ZBTB16: variants seen among roughly 807,000 people sequenced by gnomAD.
The protein encoded by ZBTB16 is zinc finger and BTB domain containing 16.
Under a neutral mutation model 56.8 loss-of-function variants are expected in ZBTB16, and 8 were observed. The observed-to-expected ratio is 0.14, with a 90% CI of 0.08 to 0.25. The LOEUF is 0.25. Among genes scored for constraint, ZBTB16 ranks in the 10% least tolerant of loss-of-function variants. The pLI is 1.00. For missense variants in ZBTB16, 625 were observed against 903.0 expected, an observed-to-expected ratio of 0.69 and a Z score of 3.95; for synonymous variants, 363 against 368.5, an observed-to-expected ratio of 0.98 and a Z score of 0.17.
chr11:114,174,345 A>G (rs1215959347), intron 3 of ZBTB16, among the ~76,000 whole-genome samples: 3 of 149,016 alleles, frequency 2.0e-5, no homozygotes, highest in Admixed American at 1.3e-4. Context: ...TTTACTAGCT[A>G]TGAGACCTTG....
At chr11:114,192,339 C>G (rs591242) in intron 4 of ZBTB16, among the ~76,000 whole-genome samples, 4 of 151,934 alleles carry the variant, frequency 2.6e-5, no homozygotes, top group African/African-American at 4.8e-5. Context: ...CAGATAGTCA[C>G]AGGTCAGCCC....
chr11:114,204,986 T>C (rs926544458), intron 4 of ZBTB16, among the ~76,000 whole-genome samples: 5 of 152,148 alleles, frequency 3.3e-5, no homozygotes, highest in African/African-American at 1.2e-4. Flanking sequence ...CATCAATTCA[T>C]TTGCCACGTT....
chr11:114,103,567 T>G (rs1166181879), intron 2 of ZBTB16, among the ~76,000 whole-genome samples: 2 of 151,960 alleles, frequency 1.3e-5, no homozygotes, highest in African/African-American at 4.8e-5. Flanking sequence ...TCTCTGAACT[T>G]TCCAAAGAGT....
chr11:114,238,003 C>T (rs928969785), intron 4 of ZBTB16, among the ~76,000 whole-genome samples: 2 of 152,172 alleles, frequency 1.3e-5, no homozygotes, highest in Non-Finnish European at 1.5e-5. Context: ...GGGAGAGAGA[C>T]CACTGTAGGG....
Position 114,135,179 on chromosome 11 carries a change from G to A in ZBTB16, c.1269-21158G>A, listed in dbSNP as rs532958564. Among the ~76,000 whole-genome samples the A allele has an allele frequency of 4.6e-5, 7 of 152,346 alleles. No homozygotes were observed. The East Asian group carries it at 1.2e-3, about 25-fold the overall frequency. On this transcript the variant is annotated intron_variant, in intron 2 of 6. Transcript: ENST00000335953. ...AAATTCCTGGCATACTGTGCCTGGG[G>A]TATTAGGAAGGTGACTTGTGAGTCC...
chr11:114,250,523 G>T lies in ZBTB16; in HGVS notation c.1990G>T (p.Glu664Ter). ...GGAGATCCCGCCCGACTGGAGGATA[G>T]AGAAGACGTACCTCTACCTGTGCTA... Reference protein sequence around the residue: ...PEEIPPDWRIEKTYLYLCYV With the variant: ...PEEIPPDWRI The change falls in exon 7 of 7, where the codon GAG (glutamate) becomes TAG (stop). Residue 664 changes from glutamate (E) to a stop codon, truncating the protein, a stop_gained. Coordinates refer to ENST00000335953, the MANE Select transcript of ZBTB16 (RefSeq NM_006006.6). LOFTEE classifies it high-confidence loss of function. This position sits in a 1 kb window ranked among gnomAD's most constrained non-coding sequence, Gnocchi z 6.0. The T allele has an allele frequency of 6.2e-7, 1 of 1,614,174 alleles. No individual in the cohort carries two copies. The highest frequency in any genetic ancestry group is 1.1e-5 in the South Asian group (1 of 91,082).
chr11:114,124,818 T>C (rs946739328), intron 2 of ZBTB16, among the ~76,000 whole-genome samples: 1 of 151,716 alleles, frequency 6.6e-6, no homozygotes, highest in African/African-American at 2.4e-5. Flanking sequence ...TGGACGCAGG[T>C]ATTGAATGAC....
At chr11:114,089,181 A>G (rs1012658093) in intron 2 of ZBTB16, among the ~76,000 whole-genome samples, 9 of 152,216 alleles carry the variant, frequency 5.9e-5, no homozygotes, top group Admixed American at 2.0e-4. Context: ...TGCTGGTTCA[A>G]GCTGGGGCTT....
At chr11:114,140,241 C>G (rs1941910588) in intron 2 of ZBTB16, among the ~76,000 whole-genome samples, 1 of 152,188 alleles carries the variant, frequency 6.6e-6, no homozygotes, top group Non-Finnish European at 1.5e-5. Context: ...CTTCTAAGCC[C>G]AGGCATGAGC....
At chr11:114,074,087 T>G (rs903157213) in intron 2 of ZBTB16, among the ~76,000 whole-genome samples, 2 of 152,216 alleles carry the variant, frequency 1.3e-5, no homozygotes, top group Non-Finnish European at 2.9e-5. Flanking sequence ...TACCTCTCAA[T>G]GTGGTTTTTA....
chr11:114,152,440 T>C (rs933114727), intron 2 of ZBTB16, among the ~76,000 whole-genome samples: 1 of 152,276 alleles, frequency 6.6e-6, no homozygotes, highest in Non-Finnish European at 1.5e-5. Context: ...TTTGTTTAGC[T>C]TGAATTTCTC....
At position 114,148,445 on chromosome 11, in the gene ZBTB16, C is replaced by T. The variant is rs796434737; in HGVS notation, c.1269-7892C>T. On this transcript the variant is annotated intron_variant, in intron 2 of 6. Coordinates refer to ENST00000335953, the MANE Select transcript of ZBTB16 (RefSeq NM_006006.6). The stretch of plus-strand genomic sequence containing the variant: ...CCTCCCTCTCTCTCTCTTTCTCTCT[C>T]TCTGTCTGTCTGTCTCTCTCTCTCT... Among the ~76,000 whole-genome samples, 21 of 56,924 alleles carry T rather than the reference C, an allele frequency of 3.7e-4. 1 individual carries two copies. Among genetic ancestry groups the T allele is most frequent in the Admixed American group, 1.3e-3 (6 of 4,772 alleles). 37.3% of individuals were successfully genotyped at this position (56,924 alleles called of 152,430 possible).
intron 6 of ZBTB16, among the ~76,000 whole-genome samples, chr11:114,248,578 C>T (rs1944858745): frequency 6.6e-6 from 1 of 152,218 alleles, no homozygotes; most frequent in Non-Finnish European, 1.5e-5. Context: ...GGGGAGACAG[C>T]TGTCCTGTCC....
At chr11:114,162,743 T>C (rs1942625219) in intron 3 of ZBTB16, among the ~76,000 whole-genome samples, 1 of 152,152 alleles carries the variant, frequency 6.6e-6, no homozygotes, top group African/African-American at 2.4e-5. Context: ...GTCAAGGAAG[T>C]GGAGAAGATC....
intron 3 of ZBTB16, among the ~76,000 whole-genome samples, chr11:114,163,773 A>G (rs986369655): frequency 6.6e-6 from 1 of 151,772 alleles, no homozygotes; most frequent in Admixed American, 6.6e-5. Context: ...CGTTCCATCT[A>G]CCCCTCTGGA....
At chr11:114,169,168 C>T (rs1286885831) in intron 3 of ZBTB16, among the ~76,000 whole-genome samples, 1 of 152,142 alleles carries the variant, frequency 6.6e-6, no homozygotes, top group Non-Finnish European at 1.5e-5. Flanking sequence ...GGTAGATGCA[C>T]CCTGTGATGC....
intron 2 of ZBTB16, among the ~76,000 whole-genome samples, chr11:114,121,237 A>G (rs1278790494): frequency 6.6e-6 from 1 of 151,386 alleles, no homozygotes; most frequent in Non-Finnish European, 1.5e-5. Context: ...TACTCCCACC[A>G]TGGCTAATTC....
At chr11:114,125,976 T>A (rs181553050) in intron 2 of ZBTB16, among the ~76,000 whole-genome samples, 59 of 152,262 alleles carry the variant, frequency 3.9e-4, no homozygotes, top group African/African-American at 1.3e-3. Flanking sequence ...ACACTCCAAC[T>A]CTTGGAGTGA....
rs1252376014 is a variant in ZBTB16, at chr11:114,143,200, T to C, written c.1269-13137T>C. Among the ~76,000 whole-genome samples the C allele has an allele frequency of 6.6e-6, 1 of 152,092 alleles. No individual in the cohort carries two copies. The highest frequency in any genetic ancestry group is 1.5e-5 in the Non-Finnish European group (1 of 68,002). On this transcript the variant is annotated intron_variant, in intron 2 of 6. Transcript: ENST00000335953. The surrounding 1 kb of genome is among the most constrained non-coding windows in gnomAD (Gnocchi z 6.4). ...AGCAATATGTTCTACTCCATCCAAA[T>C]CCCGATTGATTTATTACCCACTGTA...
Sources: gnomAD v4.1 joint callset for allele counts (sites outside exome capture counted in the v4.1 genomes callset) on GRCh38, gnomAD v4.1.1 for gene constraint, Gnocchi (gnomAD v3.1) non-coding constraint, MANE v1.5 for transcripts, NCBI Gene and HGNC (gene_info 2026-07-23, HGNC 2026-07-21) for gene names.